Variants in PRKAG2 observed in about 807,000 individuals in gnomAD.
PRKAG2 encodes protein kinase AMP-activated non-catalytic subunit gamma 2, also known as 5'-AMP-activated protein kinase subunit gamma-2.
In PRKAG2, 26 loss-of-function variants were observed where a neutral mutation model predicts 69.6. That is an observed-to-expected ratio of 0.37 (90% CI 0.27 to 0.52). PRKAG2 has a LOEUF of 0.52. Among genes scored for constraint, PRKAG2 ranks in the 20% least tolerant of loss-of-function variants. The pLI, the probability that PRKAG2 is intolerant of heterozygous loss-of-function variation, is 0.90. For missense variants in PRKAG2, 557 were observed against 740.0 expected (o/e 0.75, Z 2.87); for synonymous variants, 293 against 285.0 (o/e 1.03, Z -0.28).
chr7:151,870,549 C>T (rs2151913683), intron 1 of PRKAG2, among the ~76,000 whole-genome samples: 1 of 152,376 alleles, frequency 6.6e-6, no homozygotes, highest in African/African-American at 2.4e-5. Context: ...CAGCATCCCC[C>T]TTCCCTTTGC....
chr7:151,847,758 A>G (rs2151892950), intron 1 of PRKAG2, among the ~76,000 whole-genome samples: 2 of 152,324 alleles, frequency 1.3e-5, no homozygotes, highest in Middle Eastern at 6.8e-3. Flanking sequence ...TCCAGACACA[A>G]TGCTTCTGTC....
At chr7:151,847,673 C>T (rs998241340) in intron 1 of PRKAG2, among the ~76,000 whole-genome samples, 4 of 152,240 alleles carry the variant, frequency 2.6e-5, no homozygotes, top group Admixed American at 6.5e-5. Context: ...GGCAAAGCAC[C>T]GACAAGCTCC....
rs974373114 is a variant in PRKAG2 at position 151,826,159 on chromosome 7, T to C, written c.115-39618A>G. ...CCATTCTCTCTTTCTCCATCTCTCC[T>C]GACTTCCAGTTCCACTTTTTTTTTT... On this transcript the variant is annotated intron_variant, in intron 1 of 15. Transcript: ENST00000287878. Among the ~76,000 whole-genome samples the C allele has an allele frequency of 4.0e-5, 6 of 151,888 alleles. No individual in the cohort carries two copies. The East Asian group carries it at 7.7e-4, about 20-fold the overall frequency.
chr7:151,710,669 C>T (rs894882639), intron 3 of PRKAG2, among the ~76,000 whole-genome samples: 1 of 152,238 alleles, frequency 6.6e-6, no homozygotes, highest in African/African-American at 2.4e-5. Context: ...CTCACACACC[C>T]CCATTTGCCA....
At chr7:151,631,281 A>G (rs1824331443) in intron 5 of PRKAG2, among the ~76,000 whole-genome samples, 2 of 152,222 alleles carry the variant, frequency 1.3e-5, no homozygotes. Context: ...CCCGACTCTG[A>G]GCTCATCACA....
chr7:151,664,003 A>C (rs888101885), intron 4 of PRKAG2, among the ~76,000 whole-genome samples: 8 of 152,214 alleles, frequency 5.3e-5, no homozygotes, highest in African/African-American at 1.9e-4. Flanking sequence ...AAGGACAATA[A>C]ATAAATGAAT....
rs777243793 is a variant in PRKAG2 at position 151,780,581 on chromosome 7, C to A, written c.466+571G>T. Among the ~76,000 whole-genome samples the A allele has an allele frequency of 6.6e-6, 1 of 152,210 alleles. No homozygotes were observed. Among genetic ancestry groups the A allele is most frequent in the Admixed American group, 6.5e-5 (1 of 15,272 alleles). ...CAGATCACAAACACTAATGAACCTA[C>A]GGAACTCTTTCTTAAACACTCACAT... On this transcript the variant is annotated intron_variant, in intron 3 of 15. Coordinates refer to ENST00000287878, the MANE Select transcript of PRKAG2 (RefSeq NM_016203.4). This position sits in a 1 kb window ranked among gnomAD's most constrained non-coding sequence, Gnocchi z 4.2.
At chr7:151,857,106 T>C (rs1182352530) in intron 1 of PRKAG2, among the ~76,000 whole-genome samples, 1 of 142,152 alleles carries the variant, frequency 7.0e-6, no homozygotes, top group Non-Finnish European at 1.5e-5. Flanking sequence ...TATTTGCAAT[T>C]AGGCAAGGGC....
intron 3 of PRKAG2, among the ~76,000 whole-genome samples, chr7:151,732,446 T>C (rs1799104684): frequency 6.6e-6 from 1 of 152,036 alleles, no homozygotes; most frequent in Admixed American, 6.6e-5. Flanking sequence ...GCCCTGAGAT[T>C]CTATCTCCGG....
intron 3 of PRKAG2, among the ~76,000 whole-genome samples, chr7:151,774,755 C>T (rs1011919621): frequency 1.3e-5 from 2 of 151,970 alleles, no homozygotes; most frequent in African/African-American, 2.4e-5. Context: ...TGCAGTGAGC[C>T]GAGATCTCGC....
At chr7:151,808,274 G>A (rs1385147364) in intron 1 of PRKAG2, among the ~76,000 whole-genome samples, 2 of 152,160 alleles carry the variant, frequency 1.3e-5, no homozygotes, top group Admixed American at 6.5e-5. Context: ...GCAGTGCCTC[G>A]GCATTTGGGA....
chr7:151,873,335 T>A (rs1038045356), intron 1 of PRKAG2, among the ~76,000 whole-genome samples: 1 of 152,204 alleles, frequency 6.6e-6, no homozygotes, highest in Non-Finnish European at 1.5e-5. Flanking sequence ...ATCAGGCCAC[T>A]GTCATCGCTC....
At position 151,781,752 on chromosome 7, in the gene PRKAG2, T is replaced by G. The variant is rs1361726982; in HGVS notation, c.187-321A>C. Among the ~76,000 whole-genome samples the G allele has an allele frequency of 6.6e-6, 1 of 152,094 alleles. No individual in the cohort carries two copies. Among genetic ancestry groups the G allele is most frequent in the African/African-American group, 2.4e-5 (1 of 41,410 alleles). ...GCTCAAAATGAGCGTCTCCCTCCTTTATTATGGGCCTGCCTGCCTTCACCT... is the reference window on the plus strand; with the variant it reads ...GCTCAAAATGAGCGTCTCCCTCCTTGATTATGGGCCTGCCTGCCTTCACCT... On this transcript the variant is annotated intron_variant, in intron 2 of 15. Coordinates refer to ENST00000287878, the MANE Select transcript of PRKAG2 (RefSeq NM_016203.4). The surrounding 1 kb of genome is among the most constrained non-coding windows in gnomAD (Gnocchi z 6.1).
rs1298483802 is a variant in PRKAG2 at position 151,786,129 on chromosome 7, G to A, written c.186+341C>T. Among the ~76,000 whole-genome samples, 2 of 152,274 alleles carry A rather than the reference G, an allele frequency of 1.3e-5. 1 individual carries two copies. The highest frequency in any genetic ancestry group is 4.1e-4 in the South Asian group (2 of 4,830). The stretch of plus-strand genomic sequence containing the variant: ...CTCAGCCCAAAGACCACAGATGGTC[G>A]GCAGTGACCGATACCTTCCACCGGG... On this transcript the variant is annotated intron_variant, in intron 2 of 15. Transcript: ENST00000287878.
intron 4 of PRKAG2, among the ~76,000 whole-genome samples, chr7:151,635,532 T>C (rs999001885): frequency 6.6e-6 from 1 of 152,134 alleles, no homozygotes; most frequent in Non-Finnish European, 1.5e-5. Context: ...TACTGACACA[T>C]ACAACAACTT....
intron 1 of PRKAG2, among the ~76,000 whole-genome samples, chr7:151,811,882 T>C (rs1396143934): frequency 6.6e-6 from 1 of 152,176 alleles, no homozygotes; most frequent in Non-Finnish European, 1.5e-5. Context: ...AACTTTGGAG[T>C]TGTCCGAGGG....
chr7:151,644,652 T>C (rs1424461103), intron 4 of PRKAG2, among the ~76,000 whole-genome samples: 1 of 152,192 alleles, frequency 6.6e-6, no homozygotes, highest in African/African-American at 2.4e-5. Flanking sequence ...TGAACATGTG[T>C]GGTCAAGTCT....
intron 6 of PRKAG2, among the ~76,000 whole-genome samples, chr7:151,594,070 A>G (rs185854025): frequency 8.5e-4 from 129 of 152,220 alleles, no homozygotes; most frequent in African/African-American, 3.1e-3. Context: ...GGCCTGGTGG[A>G]GCAGGAAGAG....
At chr7:151,794,980 G>C (rs377349834) in intron 1 of PRKAG2, among the ~76,000 whole-genome samples, 1 of 152,182 alleles carries the variant, frequency 6.6e-6, no homozygotes, top group African/African-American at 2.4e-5. Flanking sequence ...GACCAGCTGG[G>C]GGTGGCCATC....
Sources: allele counts gnomAD v4.1 joint callset (sites outside exome capture counted in the v4.1 genomes callset), GRCh38; gene constraint gnomAD v4.1.1; non-coding constraint Gnocchi (gnomAD v3.1); transcripts MANE v1.5; gene names NCBI Gene and HGNC (gene_info 2026-07-23, HGNC 2026-07-21).